ABCC9: variants seen among roughly 807,000 people sequenced by gnomAD.
ABCC9 encodes the protein ATP binding cassette subfamily C member 9, also known as ATP-binding cassette sub-family C member 9.
Under a neutral mutation model 188.3 loss-of-function variants are expected in ABCC9, and 95 were observed. The ratio of observed to expected loss-of-function variants is 0.50; its 90% CI spans 0.43 to 0.60. ABCC9 has a LOEUF of 0.60. ABCC9 is among the 20% of genes least tolerant of loss of function. The pLI is 0.00. For synonymous variants in ABCC9, 659 were observed against 652.7 expected, an observed-to-expected ratio of 1.01 and a Z score of -0.15; for missense variants, 1,102 against 1,876.3, an observed-to-expected ratio of 0.59 and a Z score of 7.62.
intron 30 of ABCC9, among the ~76,000 whole-genome samples, chr12:21,830,159 A>T (rs979549690): frequency 1.3e-5 from 2 of 152,256 alleles, no homozygotes; most frequent in African/African-American, 4.8e-5. Flanking sequence ...TTTATAAATA[A>T]AACTGTTAGT....
chr12:21,822,735 A>G (rs1943126658), intron 31 of ABCC9, among the ~76,000 whole-genome samples: 1 of 150,704 alleles, frequency 6.6e-6, no homozygotes, highest in Non-Finnish European at 1.5e-5. Flanking sequence ...AGGTTGCAGT[A>G]AGCTGAGATC....
intron 31 of ABCC9, among the ~76,000 whole-genome samples, chr12:21,828,079 T>A (rs1943492344): frequency 6.6e-6 from 1 of 152,226 alleles, no homozygotes; most frequent in South Asian, 2.1e-4. Context: ...ATTCTCTCAA[T>A]AGTAGAGATA....
Position 21,815,843 on chromosome 12 carries a change from G to A in ABCC9, c.3943C>T (p.His1315Tyr), listed in dbSNP as rs770973803. ...TTTTCATATCTGACACACAGATCAT[G>A]TATCTTGATCTCCCCTTCTTGTGGC... The part of the protein sequence containing the change: ...HWPQEGEIKI[H>Y]DLCVRYENNL... The change falls in exon 34 of 40, where the codon CAT (histidine) becomes TAT (tyrosine). Residue 1315 changes from histidine (H) to tyrosine (Y), a missense_variant. Physicochemically the swap from His to Tyr is moderately conservative, Grantham distance 83. Around this residue, in one of 12 missense-constraint regions of ABCC9, gnomAD observed 143 missense variants for 225.6 expected, o/e 0.63. Transcript: ENST00000261200. The A allele has an allele frequency of 6.2e-7, 1 of 1,613,366 alleles. No individual in the cohort carries two copies. Among genetic ancestry groups the A allele is most frequent in the South Asian group, 1.1e-5 (1 of 91,070 alleles).
At position 21,915,652 on chromosome 12, in the gene ABCC9, A is replaced by T; in HGVS notation, c.816+16T>A. 1 of 1,611,096 alleles carries T rather than the reference A, an allele frequency of 6.2e-7. No homozygotes were observed. The highest frequency in any genetic ancestry group is 8.5e-7 in the Non-Finnish European group (1 of 1,179,034). On this transcript the variant is annotated intron_variant, in intron 7 of 39. Coordinates refer to ENST00000261200, the MANE Select transcript of ABCC9 (RefSeq NM_020297.4). The stretch of plus-strand genomic sequence containing the variant: ...TTCTCTGTAATTAAGCACATGGAAG[A>T]CAGACGCTAAATCACCTTTTGTTCT...
chr12:21,828,859 C>G lies in ABCC9; in HGVS notation c.3669+99G>C, dbSNP rs563740904. 38 of 950,170 alleles carry G rather than the reference C, an allele frequency of 4.0e-5. No homozygotes were observed. In the South Asian group the frequency reaches 4.6e-4, roughly 12 times the overall value. 58.9% of individuals were successfully genotyped at this position (950,170 alleles called of 1,614,324 possible). The stretch of plus-strand genomic sequence containing the variant: ...AGTCCAGAAAATGTGAAGCTAGTGC[C>G]GAATCTCAGTGGAATACTAATTTTT... On this transcript the variant is annotated intron_variant, in intron 31 of 39. Transcript: ENST00000261200.
intron 31 of ABCC9, among the ~76,000 whole-genome samples, chr12:21,820,381 A>G (rs1297185274): frequency 1.3e-5 from 2 of 152,070 alleles, no homozygotes; most frequent in East Asian, 3.9e-4. Flanking sequence ...CCATCCATTC[A>G]TACATTCTTT....
At chr12:21,925,913 G>A in intron 5 of ABCC9, 29 bp downstream of exon 5, 1 of 1,599,194 alleles carries the variant, frequency 6.3e-7, no homozygotes, top group Non-Finnish European at 8.6e-7. Flanking sequence ...ATCTCTTTAA[G>A]GAGAAACAAC....
chr12:21,932,784 G>T (rs993191349), intron 4 of ABCC9, among the ~76,000 whole-genome samples: 2 of 152,080 alleles, frequency 1.3e-5, no homozygotes, highest in Admixed American at 1.3e-4. Context: ...TGCACCATTT[G>T]TTGGAGTGTA....
At chr12:21,895,210 T>C in intron 13 of ABCC9, 65 bp downstream of exon 13, 2 of 1,409,542 alleles carry the variant, frequency 1.4e-6, no homozygotes, top group Non-Finnish European at 2.0e-6. Flanking sequence ...CACACATTCT[T>C]GCTCATAAAT....
intron 20 of ABCC9, among the ~76,000 whole-genome samples, chr12:21,861,866 G>C: frequency 6.6e-6 from 1 of 152,110 alleles, no homozygotes; most frequent in East Asian, 1.9e-4. Context: ...ACACTGTCAT[G>C]CATGCTGAAG....
In ABCC9 at chr12:21,801,153, T is replaced by G; in HGVS notation, c.4541A>C (p.Asp1514Ala). The change falls in exon 40 of 40, where the codon GAC (aspartate) becomes GCC (alanine). Residue 1514 changes from aspartate to alanine, a missense_variant. By Grantham distance (126) the Asp-to-Ala change is moderately radical. Coordinates refer to ENST00000261200, the MANE Select transcript of ABCC9 (RefSeq NM_020297.4). ...AHRVHTILTA[D>A]LVIVMKRGNI... ...TCCTCGCTTCATCACAATAACCAGG[T>G]CTGCCGTCAGAATAGTGTGTACTCG... The G allele has an allele frequency of 6.2e-7, 1 of 1,613,986 alleles. No individual in the cohort carries two copies. The highest frequency in any genetic ancestry group is 8.5e-7 in the Non-Finnish European group (1 of 1,179,924).
chr12:21,850,172 C>T (rs919383660), intron 24 of ABCC9, among the ~76,000 whole-genome samples: 91 of 150,844 alleles, frequency 6.0e-4, no homozygotes, highest in South Asian at 1.7e-3. Flanking sequence ...AATAGCATCC[C>T]CCTGCCCCAG....
chr12:21,853,912 T>C (rs704186), intron 22 of ABCC9, among the ~76,000 whole-genome samples: 151,427 of 152,268 alleles, frequency 0.99, 75,300 homozygotes, highest in Middle Eastern at 1. Flanking sequence ...GAAGAGTTAA[T>C]GGAACAGTGG....
chr12:21,848,071 A>T, intron 25 of ABCC9, 79 bp downstream of exon 25: 3 of 1,264,298 alleles, frequency 2.4e-6, no homozygotes, highest in Non-Finnish European at 3.5e-6. Flanking sequence ...ATTATTCCTC[A>T]TGGAGACACT....
intron 20 of ABCC9, among the ~76,000 whole-genome samples, chr12:21,862,575 C>A (rs1945574032): frequency 1.5e-5 from 2 of 134,920 alleles, no homozygotes; most frequent in African/African-American, 5.6e-5. Flanking sequence ...CCCCTCAGGT[C>A]CTATATTCTT....
chr12:21,890,035 C>A (rs1947075050), intron 14 of ABCC9, among the ~76,000 whole-genome samples: 1 of 152,088 alleles, frequency 6.6e-6, no homozygotes, highest in African/African-American at 2.4e-5. Flanking sequence ...TAGAATCTAT[C>A]CCAATGCCTA....
chr12:21,932,140 C>A (rs549721394), intron 4 of ABCC9, among the ~76,000 whole-genome samples: 1 of 152,116 alleles, frequency 6.6e-6, no homozygotes, highest in East Asian at 1.9e-4. Flanking sequence ...ATTTCATAAT[C>A]AAAATTTACC....
At chr12:21,820,630 A>G (rs972208063) in intron 31 of ABCC9, among the ~76,000 whole-genome samples, 4 of 151,836 alleles carry the variant, frequency 2.6e-5, no homozygotes, top group African/African-American at 4.8e-5. Flanking sequence ...CTGCTCCTTC[A>G]CTGTACTCCA....
chr12:21,903,901 G>A (rs1385012182), intron 12 of ABCC9, among the ~76,000 whole-genome samples: 1 of 152,176 alleles, frequency 6.6e-6, no homozygotes, highest in Non-Finnish European at 1.5e-5. Flanking sequence ...AGCTACCAAT[G>A]ACTTTCTTCA....
Sources: allele counts gnomAD v4.1 joint callset (sites outside exome capture counted in the v4.1 genomes callset), GRCh38; gene constraint gnomAD v4.1.1; regional missense constraint gnomAD v4.1.1; transcripts MANE v1.5; gene names NCBI Gene and HGNC (gene_info 2026-07-23, HGNC 2026-07-21).